DENND5A: variants seen among roughly 807,000 people sequenced by gnomAD.
The protein encoded by DENND5A is DENN domain-containing protein 5A.
DENND5A carries 64 observed loss-of-function variants against 140.3 expected under a neutral mutation model. The observed-to-expected ratio is 0.46, with a 90% CI of 0.37 to 0.56. The LOEUF is 0.56. DENND5A is among the 20% of genes least tolerant of loss of function. The pLI is 0.00. For synonymous variants in DENND5A, 605 were observed against 607.7 expected (o/e 1.00, Z 0.07); for missense variants, 1,292 against 1,593.8 (o/e 0.81, Z 3.22).
At chr11:9,164,061 T>TTTTTG (rs1848091016) in intron 11 of DENND5A, among the ~76,000 whole-genome samples, 1 of 76,406 alleles carries the variant, frequency 1.3e-5, no homozygotes, top group South Asian at 5.7e-4. Context: ...ATCAGGTTTT[T>TTTTTG]TTTTTTTTTT....
intron 13 of DENND5A, among the ~76,000 whole-genome samples, chr11:9,151,467 G>A (rs1394566325): frequency 6.6e-6 from 1 of 152,150 alleles, no homozygotes. Context: ...CCTACCTGGA[G>A]AACTCTTGTC....
At chr11:9,181,205 AT>A in intron 5 of DENND5A, 121 bp from the exon 6 acceptor site, 1 of 798,210 alleles carries the variant, frequency 1.3e-6, no homozygotes, top group Non-Finnish European at 2.0e-6. Context: ...TATTTGAGAT[AT>A]GGTATAAGGA....
chr11:9,184,353 A>G (rs1848835256), intron 5 of DENND5A, among the ~76,000 whole-genome samples: 1 of 151,652 alleles, frequency 6.6e-6, no homozygotes, highest in South Asian at 2.1e-4. Context: ...ACTCCGTCTC[A>G]AAAGAAAAAA....
intron 11 of DENND5A, among the ~76,000 whole-genome samples, chr11:9,165,371 T>C (rs1848153938): frequency 1.3e-5 from 2 of 152,230 alleles, no homozygotes; most frequent in Non-Finnish European, 1.5e-5. Flanking sequence ...ATTAATGGTA[T>C]ATTTTATTTA....
intron 7 of DENND5A, 143 bp downstream of exon 7, chr11:9,178,715 T>TTA: frequency 1.4e-6 from 1 of 698,700 alleles, no homozygotes; most frequent in Non-Finnish European, 2.4e-6. Context: ...AAGACCTATT[T>TTA]TATCAACATC....
Position 9,180,842 on chromosome 11 carries a change from G to A in DENND5A, c.1380C>T (p.Tyr460=), listed in dbSNP as rs561001152. 9.9e-6 allele frequency: 16 copies of A among 1,614,188 alleles called. No homozygotes were observed. The highest frequency in any genetic ancestry group is 5.5e-5 in the South Asian group (5 of 91,080). ...TAGTTTCATTCTCCTTAAGAAGCTC[G>A]TAGGAATGCAAAGGGGAGCCAGCAA... The part of the protein sequence containing the change: ...GNIAGSPLHS[Y]ELLKENETIA... Residue 460 remains tyrosine, a synonymous_variant, in exon 6 of 23, where the codon TAC becomes TAT. Coordinates refer to ENST00000328194, the MANE Select transcript of DENND5A (RefSeq NM_015213.4).
chr11:9,199,788 A>G lies in DENND5A; in HGVS notation c.949+3872T>C, dbSNP rs144078300. Among the ~76,000 whole-genome samples the G allele has an allele frequency of 4.8e-3, 729 of 152,334 alleles. 10 individuals carry two copies. Among genetic ancestry groups the G allele is most frequent in the Non-Finnish European group, 4.6e-3 (314 of 68,036 alleles). ...CAGTGGTGATAGCTTGTTTTTGGCC[A>G]GAGTGATTTTTATCCATACAAGGAA... On this transcript the variant is annotated intron_variant, in intron 4 of 22. Coordinates refer to ENST00000328194, the MANE Select transcript of DENND5A (RefSeq NM_015213.4).
At chr11:9,165,530 C>T (rs1848160775) in intron 11 of DENND5A, among the ~76,000 whole-genome samples, 1 of 152,014 alleles carries the variant, frequency 6.6e-6, no homozygotes, top group South Asian at 2.1e-4. Flanking sequence ...GCCTTGACTT[C>T]CCAGGTTCAA....
intron 4 of DENND5A, among the ~76,000 whole-genome samples, chr11:9,195,814 G>A (rs890072432): frequency 5.9e-5 from 9 of 151,930 alleles, no homozygotes; most frequent in African/African-American, 1.2e-4. Flanking sequence ...TCTTTTCCCC[G>A]GTTCCTGAAA....
intron 1 of DENND5A, among the ~76,000 whole-genome samples, chr11:9,252,965 C>T (rs77594007): frequency 6.6e-6 from 1 of 151,922 alleles, no homozygotes; most frequent in African/African-American, 2.4e-5. Flanking sequence ...ATCTGCCAAC[C>T]TCAGCATCCC....
At chr11:9,177,461 G>A (rs1426164030) in intron 8 of DENND5A, among the ~76,000 whole-genome samples, 3 of 150,164 alleles carry the variant, frequency 2.0e-5, no homozygotes, top group African/African-American at 7.4e-5. Context: ...AGACCAGACG[G>A]AGCATAGCAA....
intron 1 of DENND5A, among the ~76,000 whole-genome samples, chr11:9,252,140 A>T (rs1393841988): frequency 6.7e-6 from 1 of 149,470 alleles, no homozygotes; most frequent in Non-Finnish European, 1.5e-5. Context: ...TCTACTAAAA[A>T]CACAAAAATT....
chr11:9,234,759 G>A (rs925118845), intron 1 of DENND5A, among the ~76,000 whole-genome samples: 3 of 152,164 alleles, frequency 2.0e-5, no homozygotes, highest in East Asian at 1.9e-4. Context: ...ATAACTAGCC[G>A]AACCCATCCC....
chr11:9,227,906 G>T (rs1357879243), intron 1 of DENND5A, among the ~76,000 whole-genome samples: 1 of 151,936 alleles, frequency 6.6e-6, no homozygotes, highest in Non-Finnish European at 1.5e-5. Context: ...GAGGTCAGGG[G>T]TTCGAGACCA....
At chr11:9,169,753 AT>A (rs1386579617) in intron 10 of DENND5A, 102 bp downstream of exon 10, 14 of 754,588 alleles carry the variant, frequency 1.9e-5, no homozygotes, top group Non-Finnish European at 3.0e-5. Flanking sequence ...GGGTGAGGTC[AT>A]TGCTGAGACG....
At chr11:9,163,807 A>AC in intron 11 of DENND5A, among the ~76,000 whole-genome samples, 1 of 151,642 alleles carries the variant, frequency 6.6e-6, no homozygotes, top group Admixed American at 6.6e-5. Context: ...CCATCTCAAA[A>AC]AAAAAAAAAA....
intron 1 of DENND5A, among the ~76,000 whole-genome samples, chr11:9,237,776 G>C (rs1436504972): frequency 6.6e-6 from 1 of 152,066 alleles, no homozygotes; most frequent in Non-Finnish European, 1.5e-5. Context: ...CCAGCTACTA[G>C]GGAGGCTTAG....
At chr11:9,153,850 G>A (rs1847715035) in intron 12 of DENND5A, among the ~76,000 whole-genome samples, 1 of 152,216 alleles carries the variant, frequency 6.6e-6, no homozygotes, top group African/African-American at 2.4e-5. Flanking sequence ...ATTTTGCCAA[G>A]GCACAAACCT....
intron 1 of DENND5A, among the ~76,000 whole-genome samples, chr11:9,233,806 T>C (rs1850879369): frequency 6.6e-6 from 1 of 152,150 alleles, no homozygotes; most frequent in Non-Finnish European, 1.5e-5. Flanking sequence ...TGGATTTCTG[T>C]CCTCCAAAAC....
Sources: gnomAD v4.1 joint callset for allele counts (sites outside exome capture counted in the v4.1 genomes callset) on GRCh38, gnomAD v4.1.1 for gene constraint, MANE v1.5 for transcripts, NCBI Gene and HGNC (gene_info 2026-07-23, HGNC 2026-07-21) for gene names.